The following ERC2 variants were observed in gnomAD, a reference collection of about 807,000 sequenced individuals.
ERC2 encodes ERC protein 2.
In ERC2, 42 loss-of-function variants were observed where a neutral mutation model predicts 114.8. The ratio of observed to expected loss-of-function variants is 0.37; its 90% CI spans 0.29 to 0.47. ERC2 has a LOEUF of 0.47. Among genes scored for constraint, ERC2 ranks in the 20% least tolerant of loss-of-function variants. The pLI is 0.99. For missense variants in ERC2, 939 were observed against 1,150.7 expected, an observed-to-expected ratio of 0.82 and a Z score of 2.66; for synonymous variants, 454 against 425.5, an observed-to-expected ratio of 1.07 and a Z score of -0.82.
intron 12 of ERC2, among the ~76,000 whole-genome samples, chr3:55,959,277 G>C (rs1281284245): frequency 1.3e-5 from 2 of 152,146 alleles, no homozygotes; most frequent in East Asian, 3.9e-4. Context: ...CTGAAGGGCT[G>C]ATTCCTTCTA....
intron 12 of ERC2, among the ~76,000 whole-genome samples, chr3:55,978,779 A>G (rs2069810234): frequency 6.6e-6 from 1 of 152,242 alleles, no homozygotes; most frequent in Non-Finnish European, 1.5e-5. Flanking sequence ...GAGGTAGTCT[A>G]TTTAGTTTTC....
At chr3:56,068,466 T>G (rs2076580901) in intron 7 of ERC2, among the ~76,000 whole-genome samples, 2 of 152,112 alleles carry the variant, frequency 1.3e-5, no homozygotes, top group Admixed American at 6.5e-5. Flanking sequence ...TCCATTTTAT[T>G]TATTTATTTA....
chr3:56,004,289 C>CA (rs2072302117), intron 10 of ERC2, among the ~76,000 whole-genome samples: 1 of 152,010 alleles, frequency 6.6e-6, no homozygotes, highest in Non-Finnish European at 1.5e-5. Context: ...TGGGTGTCTA[C>CA]TTAAGATGGA....
At chr3:55,788,461 A>G (rs1190865732) in intron 14 of ERC2, among the ~76,000 whole-genome samples, 20 of 152,222 alleles carry the variant, frequency 1.3e-4, no homozygotes, top group Non-Finnish European at 1.5e-5. Flanking sequence ...CCAAAACCAC[A>G]GCATAAAAAG....
intron 14 of ERC2, among the ~76,000 whole-genome samples, chr3:55,872,881 A>G (rs1178223112): frequency 6.6e-6 from 1 of 152,332 alleles, no homozygotes; most frequent in South Asian, 2.1e-4. Context: ...GTGAGAAACA[A>G]CAGACAGATA....
chr3:56,042,602 G>A (rs573387989), intron 7 of ERC2, among the ~76,000 whole-genome samples: 3 of 152,088 alleles, frequency 2.0e-5, no homozygotes, highest in African/African-American at 4.8e-5. Context: ...TCAAATGGAC[G>A]GGTGAAAGCA....
intron 14 of ERC2, among the ~76,000 whole-genome samples, chr3:55,750,287 G>A (rs1303753010): frequency 6.6e-6 from 1 of 152,132 alleles, no homozygotes; most frequent in East Asian, 1.9e-4. Flanking sequence ...ATATGTATAA[G>A]CAAGGCATAA....
At chr3:56,117,173 G>T (rs780699036) in intron 6 of ERC2, among the ~76,000 whole-genome samples, 4 of 152,224 alleles carry the variant, frequency 2.6e-5, no homozygotes, top group Non-Finnish European at 4.4e-5. Context: ...GGGTAAGACT[G>T]TCTCAGTCAT....
chr3:56,246,948 G>C (rs1302117482), intron 3 of ERC2, among the ~76,000 whole-genome samples: 1 of 152,226 alleles, frequency 6.6e-6, no homozygotes, highest in African/African-American at 2.4e-5. Flanking sequence ...ATATGAGTAT[G>C]ACCAGCCATC....
At chr3:56,347,365 T>C (rs1392103376) in intron 2 of ERC2, among the ~76,000 whole-genome samples, 1 of 152,094 alleles carries the variant, frequency 6.6e-6, no homozygotes, top group Non-Finnish European at 1.5e-5. Flanking sequence ...CTTTGTCAGC[T>C]GCTTCCTGTT....
chr3:55,709,040 T>G (rs1006038269), intron 15 of ERC2, among the ~76,000 whole-genome samples: 2 of 152,156 alleles, frequency 1.3e-5, no homozygotes, highest in African/African-American at 2.4e-5. Context: ...CCAACAAATA[T>G]TTATTATCAC....
chr3:56,322,940 A>G (rs1191245775), intron 2 of ERC2, among the ~76,000 whole-genome samples: 6 of 152,152 alleles, frequency 3.9e-5, no homozygotes, highest in African/African-American at 4.8e-5. Flanking sequence ...ATCCCTCATT[A>G]ATAGATTAAT....
intron 14 of ERC2, among the ~76,000 whole-genome samples, chr3:55,829,566 A>C (rs2060481097): frequency 2.0e-5 from 3 of 152,208 alleles, no homozygotes; most frequent in Admixed American, 2.0e-4. Flanking sequence ...TGTCACCTAG[A>C]GTGCAGTGCA....
chr3:55,694,855 A>C (rs2062847674), intron 16 of ERC2, among the ~76,000 whole-genome samples: 2 of 152,210 alleles, frequency 1.3e-5, no homozygotes, highest in Non-Finnish European at 2.9e-5. Context: ...TCCTAGATGC[A>C]CAAAGGGTAG....
Position 56,292,460 on chromosome 3 carries a change from C to T in ERC2, c.1074+3559G>A, listed in dbSNP as rs537781024. 5.4e-4 allele frequency among the ~76,000 whole-genome samples: 81 copies of T among 151,140 alleles called. 1 individual carries two copies. Among genetic ancestry groups the T allele is most frequent in the African/African-American group, 1.9e-3 (77 of 41,120 alleles). ...AAAAAAATAGCCAGGCATCGTGGCA[C>T]ATGCCTGTAGTCCCAACTATTCAGG... On this transcript the variant is annotated intron_variant, in intron 3 of 17. Transcript: ENST00000288221.
At chr3:55,875,724 A>ACTCTCT (rs71887711) in intron 14 of ERC2, among the ~76,000 whole-genome samples, 6 of 141,018 alleles carry the variant, frequency 4.3e-5, no homozygotes, top group African/African-American at 1.7e-4. Context: ...ACACACACAC[A>ACTCTCT]CTCTCTCTCT....
intron 6 of ERC2, among the ~76,000 whole-genome samples, chr3:56,131,448 A>C (rs2080194139): frequency 6.6e-6 from 1 of 152,204 alleles, no homozygotes; most frequent in Non-Finnish European, 1.5e-5. Flanking sequence ...GTAATTTAAC[A>C]GTCTTAAAAG....
At chr3:56,369,460 C>CA (rs1429548700) in intron 2 of ERC2, among the ~76,000 whole-genome samples, 4 of 151,994 alleles carry the variant, frequency 2.6e-5, no homozygotes, top group African/African-American at 9.7e-5. Flanking sequence ...CTCTCTGCCA[C>CA]AAAAAAGGAC....
At chr3:55,557,037 A>T (rs1262034912) in intron 17 of ERC2, among the ~76,000 whole-genome samples, 2 of 152,198 alleles carry the variant, frequency 1.3e-5, no homozygotes, top group African/African-American at 4.8e-5. Flanking sequence ...GAGATGAGAC[A>T]TGAGTTTGAG....
Sources: allele counts gnomAD v4.1 joint callset (sites outside exome capture counted in the v4.1 genomes callset), GRCh38; gene constraint gnomAD v4.1.1; transcripts MANE v1.5; gene names NCBI Gene and HGNC (gene_info 2026-07-23, HGNC 2026-07-21).